Variants in TMEM132D observed in about 807,000 individuals in gnomAD.
The protein encoded by TMEM132D is mature OL transmembrane protein.
Under a neutral mutation model 62.3 loss-of-function variants are expected in TMEM132D, and 21 were observed. That is an observed-to-expected ratio of 0.34 (90% CI 0.24 to 0.49). TMEM132D has a LOEUF of 0.49. Ranked by LOEUF, TMEM132D falls within the 20% of genes least tolerant of loss-of-function variation. The pLI is 0.99. For missense variants in TMEM132D, 1,346 were observed against 1,402.8 expected (o/e 0.96, Z 0.65); for synonymous variants, 621 against 575.6 (o/e 1.08, Z -1.13).
chr12:129,369,370 T>C (rs1189686819), intron 3 of TMEM132D, among the ~76,000 whole-genome samples: 1 of 16,636 alleles, frequency 6.0e-5, no homozygotes, highest in Non-Finnish European at 1.7e-4. Context: ...TCATGCTGCT[T>C]TTTTTTTTTA....
intron 3 of TMEM132D, among the ~76,000 whole-genome samples, chr12:129,444,458 A>G (rs919108429): frequency 6.6e-6 from 1 of 152,234 alleles, no homozygotes; most frequent in Admixed American, 6.5e-5. Context: ...AAGGACATGA[A>G]CAGAGATTAT....
Position 129,903,422 on chromosome 12 carries a change from C to A in TMEM132D, c.-83G>T, listed in dbSNP as rs1875438608. 2 of 1,442,482 alleles carry A rather than the reference C, an allele frequency of 1.4e-6. No individual in the cohort carries two copies. The highest frequency in any genetic ancestry group is 4.1e-5 in the Admixed American group (2 of 49,014). 89.4% of individuals were successfully genotyped at this position (1,442,482 alleles called of 1,614,324 possible). The stretch of plus-strand genomic sequence containing the variant: ...ACCGTCTCAGTCCCCTAGAGGCCCG[C>A]AGCGGGGCCGGTGGCGAGGGAGCGC... On this transcript the variant is annotated 5_prime_UTR_variant, in exon 1 of 9. Transcript: ENST00000422113. The surrounding 1 kb of genome is among the most constrained non-coding windows in gnomAD (Gnocchi z 6.2).
At chr12:129,707,702 G>C (rs555828653) in intron 1 of TMEM132D, among the ~76,000 whole-genome samples, 2 of 152,070 alleles carry the variant, frequency 1.3e-5, no homozygotes, top group African/African-American at 4.8e-5. Flanking sequence ...GACCATGAAG[G>C]TATCTTAAGA....
At chr12:129,337,608 A>C (rs368382714) in intron 4 of TMEM132D, 26 bp downstream of exon 4, 1 of 1,612,828 alleles carries the variant, frequency 6.2e-7, no homozygotes, top group Non-Finnish European at 8.5e-7. Flanking sequence ...GTTCAGTTCT[A>C]ACAGCCCAGG....
chr12:129,256,998 G>A (rs1880418091), intron 4 of TMEM132D, among the ~76,000 whole-genome samples: 1 of 152,206 alleles, frequency 6.6e-6, no homozygotes, highest in African/African-American at 2.4e-5. Flanking sequence ...AGAGAGCTAT[G>A]GTGTGGCACA....
chr12:129,832,030 C>T (rs1368145325), intron 1 of TMEM132D, among the ~76,000 whole-genome samples: 9 of 124,080 alleles, frequency 7.3e-5, no homozygotes, highest in South Asian at 2.8e-4. Flanking sequence ...CCACCATGCC[C>T]GGCTCTTTTT....
chr12:129,901,453 A>G (rs1470140765), intron 1 of TMEM132D, among the ~76,000 whole-genome samples: 1 of 152,314 alleles, frequency 6.6e-6, no homozygotes, highest in Middle Eastern at 3.4e-3. Flanking sequence ...AGACTCTGCT[A>G]ATTGCTGTAC....
chr12:129,726,285 A>C (rs528472129), intron 1 of TMEM132D, among the ~76,000 whole-genome samples: 1 of 152,220 alleles, frequency 6.6e-6, no homozygotes, highest in African/African-American at 2.4e-5. Flanking sequence ...TGAATCCCCA[A>C]AGCTGAGGGT....
chr12:129,418,337 TA>T (rs1171717941), intron 3 of TMEM132D, among the ~76,000 whole-genome samples: 1 of 151,718 alleles, frequency 6.6e-6, no homozygotes, highest in South Asian at 2.1e-4. Context: ...ATAGACTGGA[TA>T]AAAAAAAGTG....
chr12:129,591,539 G>GC (rs1217408139), intron 2 of TMEM132D, among the ~76,000 whole-genome samples: 1 of 80,308 alleles, frequency 1.2e-5, no homozygotes, highest in African/African-American at 5.0e-5. Flanking sequence ...TTGGCTTTTG[G>GC]GTTTTTTTTT....
intron 8 of TMEM132D, among the ~76,000 whole-genome samples, chr12:129,075,921 C>T (rs1874236416): frequency 6.8e-6 from 1 of 146,932 alleles, no homozygotes; most frequent in South Asian, 2.3e-4. Context: ...ATTGCTTCCT[C>T]CCTCCCTCCC....
intron 3 of TMEM132D, among the ~76,000 whole-genome samples, chr12:129,500,684 C>T (rs879001891): frequency 2.0e-5 from 3 of 152,204 alleles, no homozygotes; most frequent in Admixed American, 2.0e-4. Context: ...CCTCCTTCCC[C>T]CGTCCAAATG....
At chr12:129,863,924 T>C (rs35816464) in intron 1 of TMEM132D, among the ~76,000 whole-genome samples, 13,842 of 152,186 alleles carry the variant, frequency 0.091, 691 homozygotes, top group South Asian at 0.13. Context: ...TTTAGGGATA[T>C]GGTGGGTTTT....
chr12:129,841,064 G>C (rs747789419), intron 1 of TMEM132D, among the ~76,000 whole-genome samples: 9 of 152,092 alleles, frequency 5.9e-5, no homozygotes, highest in Admixed American at 6.5e-5. Context: ...AATGTAAAAA[G>C]AATCAAATTT....
intron 1 of TMEM132D, among the ~76,000 whole-genome samples, chr12:129,834,203 CCACCAGG>C (rs140856244): frequency 0.59 from 90,159 of 151,962 alleles, 28,060 homozygotes; most frequent in Middle Eastern, 0.71. Flanking sequence ...TCCCTCCTTT[CCACCAGG>C]CACTCGGATG....
chr12:129,118,155 A>G (rs945772286), intron 5 of TMEM132D, among the ~76,000 whole-genome samples: 1 of 152,248 alleles, frequency 6.6e-6, no homozygotes, highest in Non-Finnish European at 1.5e-5. Flanking sequence ...GCTCAGAAAT[A>G]TTGCAAAATT....
rs914239380 is a variant in TMEM132D at position 129,782,350 on chromosome 12, C to A, written c.80-81652G>T. On this transcript the variant is annotated intron_variant, in intron 1 of 8. Transcript: ENST00000422113. ...GACCATGGGCTCTGGAATTGGAAAC[C>A]TTGGTTTGGAATACTGCTTCTACTA... is the stretch of plus-strand genomic sequence containing the variant. Among the ~76,000 whole-genome samples, 11 of 152,084 alleles carry A rather than the reference C, an allele frequency of 7.2e-5. 1 individual carries two copies. Among genetic ancestry groups the A allele is most frequent in the African/African-American group, 2.4e-4 (10 of 41,412 alleles).
At chr12:129,110,227 A>G (rs1009764877) in intron 5 of TMEM132D, 1 of 152,314 alleles carries the variant, frequency 6.6e-6, no homozygotes, top group Admixed American at 6.5e-5. Context: ...TCTCTGGTGC[A>G]CTTAACTCTG....
intron 2 of TMEM132D, among the ~76,000 whole-genome samples, chr12:129,575,624 C>T (rs569131619): frequency 4.7e-4 from 72 of 151,900 alleles, no homozygotes; most frequent in African/African-American, 1.6e-3. Flanking sequence ...CAAGGAGAAA[C>T]GCGGGCCTAG....
Sources: gnomAD v4.1 joint callset for allele counts (sites outside exome capture counted in the v4.1 genomes callset) on GRCh38, gnomAD v4.1.1 for gene constraint, Gnocchi (gnomAD v3.1) non-coding constraint, MANE v1.5 for transcripts, NCBI Gene and HGNC (gene_info 2026-07-23, HGNC 2026-07-21) for gene names.